Variants in SCFD1 observed in about 807,000 individuals in gnomAD.
The protein encoded by SCFD1 is sec1 family domain containing 1, also known as sec1 family domain-containing protein 1.
Under a neutral mutation model 103.2 loss-of-function variants are expected in SCFD1, and 37 were observed. That is an observed-to-expected ratio of 0.36 (90% CI 0.28 to 0.47). SCFD1 has a LOEUF of 0.47. SCFD1 is among the 20% of genes least tolerant of loss of function. SCFD1 has a pLI of 1.00. For synonymous variants in SCFD1, 264 were observed against 245.0 expected (o/e 1.08, Z -0.73); for missense variants, 639 against 761.2 (o/e 0.84, Z 1.89).
intron 3 of SCFD1, among the ~76,000 whole-genome samples, chr14:30,631,830 G>T (rs1884166572): frequency 6.6e-6 from 1 of 152,014 alleles, no homozygotes; most frequent in African/African-American, 2.4e-5. Flanking sequence ...CGGATCACTT[G>T]AGGTCAGGAG....
intron 7 of SCFD1, among the ~76,000 whole-genome samples, chr14:30,645,115 C>G (rs1348621162): frequency 1.3e-5 from 2 of 152,110 alleles, no homozygotes; most frequent in Admixed American, 1.3e-4. Flanking sequence ...TTGTTATTAT[C>G]AACATTGTCG....
intron 21 of SCFD1, among the ~76,000 whole-genome samples, chr14:30,720,123 G>A (rs1892555027): frequency 6.6e-6 from 1 of 152,186 alleles, no homozygotes; most frequent in Admixed American, 6.5e-5. Flanking sequence ...TGTAGATGGT[G>A]TGAAAATAAT....
intron 9 of SCFD1, among the ~76,000 whole-genome samples, chr14:30,653,132 T>A (rs1394727164): frequency 1.3e-5 from 2 of 152,224 alleles, no homozygotes; most frequent in Non-Finnish European, 2.9e-5. Flanking sequence ...CCCCCGTCTC[T>A]ATAAAAATGT....
chr14:30,622,892 A>T (rs891645159), intron 1 of SCFD1, among the ~76,000 whole-genome samples: 3 of 152,162 alleles, frequency 2.0e-5, no homozygotes, highest in Non-Finnish European at 4.4e-5. Context: ...GGTGATAAAC[A>T]TTTTCTCCTT....
rs1893727892 is a variant in SCFD1, at chr14:30,734,877, G to A, written c.1905+19G>A. The A allele has an allele frequency of 6.4e-7, 1 of 1,573,234 alleles. No homozygotes were observed. The highest frequency in any genetic ancestry group is 8.7e-7 in the Non-Finnish European group (1 of 1,143,524). Reference sequence around the variant, plus strand: ...AAAACAGGTAAAGTATACATTTGTTGTTTGTTTCTGTTAACATACCCCTAG... The same window carrying A: ...AAAACAGGTAAAGTATACATTTGTTATTTGTTTCTGTTAACATACCCCTAG... On this transcript the variant is annotated intron_variant, in intron 24 of 24. Transcript: ENST00000458591.
At chr14:30,643,621 T>G (rs1381927914) in intron 7 of SCFD1, among the ~76,000 whole-genome samples, 1 of 152,226 alleles carries the variant, frequency 6.6e-6, no homozygotes, top group African/African-American at 2.4e-5. Context: ...GTTGTCATTT[T>G]AGATGTCTTT....
intron 21 of SCFD1, among the ~76,000 whole-genome samples, chr14:30,721,389 T>C (rs1025362035): frequency 6.6e-6 from 1 of 152,118 alleles, no homozygotes; most frequent in African/African-American, 2.4e-5. Context: ...AAGAGATCTT[T>C]AATAAATAAG....
At chr14:30,663,684 A>G (rs1220648138) in intron 10 of SCFD1, among the ~76,000 whole-genome samples, 2 of 152,218 alleles carry the variant, frequency 1.3e-5, no homozygotes, top group African/African-American at 4.8e-5. Flanking sequence ...ATTTCAAGTG[A>G]TAGAATCTAA....
intron 7 of SCFD1, chr14:30,643,879 G>A (rs1316677011): frequency 2.2e-6 from 1 of 446,546 alleles, no homozygotes. Flanking sequence ...TTTTATTTTA[G>A]GTTTGGGGGA....
intron 2 of SCFD1, among the ~76,000 whole-genome samples, chr14:30,629,725 G>A (rs1043019138): frequency 2.6e-5 from 4 of 151,784 alleles, no homozygotes; most frequent in Non-Finnish European, 5.9e-5. Flanking sequence ...TTACAGGCAC[G>A]TGCCACCACA....
At position 30,675,109 on chromosome 14, in the gene SCFD1, A is replaced by G. The variant is rs149082289; in HGVS notation, c.1242+44A>G. The G allele has an allele frequency of 4.6e-5, 48 of 1,049,888 alleles. No homozygotes were observed. The East Asian group carries it at 1.1e-3, about 24-fold the overall frequency. 65.0% of individuals were successfully genotyped at this position (1,049,888 alleles called of 1,614,324 possible). A position where few individuals can be genotyped will look rare whatever the true frequency, so the allele number is the denominator to read the frequency against. ...CCCCCACAATATGACTTGCATTTAC[A>G]TAGGGTTTTATACTTTGTAAGATGC... On this transcript the variant is annotated intron_variant, in intron 14 of 24. Transcript: ENST00000458591.
intron 6 of SCFD1, 49 bp from the exon 7 acceptor site, chr14:30,643,267 G>A (rs1163842804): frequency 2.8e-6 from 3 of 1,067,260 alleles, no homozygotes; most frequent in Admixed American, 1.7e-5. Flanking sequence ...TTAGAAAGAT[G>A]AGGCATAAGT....
In SCFD1 at chr14:30,641,901, T is replaced by G. The variant is rs190097983; in HGVS notation, c.524-1415T>G. The stretch of plus-strand genomic sequence containing the variant: ...TAAAAATACTTTGTAGATAATAGTT[T>G]AGACACTAATCTTTCAACATATAGT... On this transcript the variant is annotated intron_variant, in intron 6 of 24. Coordinates refer to ENST00000458591, the MANE Select transcript of SCFD1 (RefSeq NM_016106.4). Among the ~76,000 whole-genome samples, 128 of 152,342 alleles carry G rather than the reference T, an allele frequency of 8.4e-4. 1 individual carries two copies. The highest frequency in any genetic ancestry group is 9.1e-4 in the Non-Finnish European group (62 of 68,030).
Position 30,654,869 on chromosome 14 carries a change from A to C in SCFD1, c.855+1281A>C, listed in dbSNP as rs545080260. On this transcript the variant is annotated intron_variant, in intron 10 of 24. Transcript: ENST00000458591. ...AGCAGTCAACTTTAATTCAGTAGACAGGGCAAGAAGAATCAAAGGGACTCT... is the reference window on the plus strand; with the variant it reads ...AGCAGTCAACTTTAATTCAGTAGACCGGGCAAGAAGAATCAAAGGGACTCT... Among the ~76,000 whole-genome samples the C allele has an allele frequency of 3.9e-5, 6 of 152,336 alleles. No individual in the cohort carries two copies. In the South Asian group the frequency reaches 1.2e-3, roughly 32 times the overall value.
intron 10 of SCFD1, chr14:30,653,901 GTA>G (rs1356462317): frequency 5.8e-6 from 1 of 171,556 alleles, no homozygotes; most frequent in Admixed American, 6.3e-5. Flanking sequence ...AACCGAATAA[GTA>G]AATAAATGTG....
chr14:30,627,367 A>G (rs1459984233), intron 1 of SCFD1, among the ~76,000 whole-genome samples: 1 of 152,240 alleles, frequency 6.6e-6, no homozygotes, highest in African/African-American at 2.4e-5. Context: ...TTTGTAAAAT[A>G]TACTCTTACA....
chr14:30,675,643 T>C (rs1368439156), intron 14 of SCFD1, among the ~76,000 whole-genome samples: 1 of 149,782 alleles, frequency 6.7e-6, no homozygotes, highest in Non-Finnish European at 1.5e-5. Context: ...TATTCTGCTA[T>C]TATTTGTTCT....
chr14:30,698,934 A>C (rs763119718), intron 15 of SCFD1, among the ~76,000 whole-genome samples: 1 of 152,190 alleles, frequency 6.6e-6, no homozygotes, highest in Non-Finnish European at 1.5e-5. Flanking sequence ...CAGTCCCCAG[A>C]CTGACCACTG....
chr14:30,663,642 C>T (rs1380533663), intron 10 of SCFD1, among the ~76,000 whole-genome samples: 1 of 152,140 alleles, frequency 6.6e-6, no homozygotes, highest in African/African-American at 2.4e-5. Flanking sequence ...CTATTTTTCA[C>T]CTGAGGCTAC....
Sources: gnomAD v4.1 joint callset for allele counts (sites outside exome capture counted in the v4.1 genomes callset) on GRCh38, gnomAD v4.1.1 for gene constraint, MANE v1.5 for transcripts, NCBI Gene and HGNC (gene_info 2026-07-23, HGNC 2026-07-21) for gene names.